The following GGA1 variants were observed in gnomAD, a reference collection of about 807,000 sequenced individuals.
GGA1 encodes ADP-ribosylation factor-binding protein GGA1.
In GGA1, 18 loss-of-function variants were observed where a neutral mutation model predicts 76.9. The observed-to-expected ratio is 0.23, with a 90% CI of 0.16 to 0.35. The LOEUF (loss-of-function observed/expected upper bound fraction) is 0.35, where lower values mean the gene tolerates loss of function less well. Among genes scored for constraint, GGA1 ranks in the 10% least tolerant of loss-of-function variants. The probability of loss-of-function intolerance (pLI) is 1.00; values close to 1 mark genes in which losing one functional copy is unlikely to be tolerated. For missense variants in GGA1, 755 were observed against 859.0 expected (o/e 0.88, Z 1.51); for synonymous variants, 342 against 354.7 (o/e 0.96, Z 0.40).
intron 11 of GGA1, among the ~76,000 whole-genome samples, chr22:37,627,530 G>T (rs1422238014): frequency 3.3e-5 from 5 of 152,176 alleles, no homozygotes; most frequent in Non-Finnish European, 5.9e-5. Context: ...CAAGGGACAG[G>T]AACGTTCATA....
chr22:37,614,115 C>A, intron 1 of GGA1, 75 bp from the exon 2 acceptor site: 2 of 1,008,988 alleles, frequency 2.0e-6, no homozygotes, highest in South Asian at 1.3e-5. Context: ...CCTGACCACA[C>A]CTTTGCCAGG....
intron 2 of GGA1, 27 bp downstream of exon 2, chr22:37,614,301 A>C: frequency 1.4e-6 from 2 of 1,467,030 alleles, no homozygotes; most frequent in Non-Finnish European, 1.9e-6. Context: ...ACTTGTTTGC[A>C]CTGCCCTGCA....
chr22:37,612,159 AAAAAAT>A (rs1045515686), intron 1 of GGA1, among the ~76,000 whole-genome samples: 2 of 151,382 alleles, frequency 1.3e-5, no homozygotes, highest in African/African-American at 4.9e-5. Flanking sequence ...CTTTCTCAAA[AAAAAAT>A]AAAAATAAAA....
In GGA1 at chr22:37,623,989, C is replaced by A; in HGVS notation, c.832+356C>A. On this transcript the variant is annotated intron_variant, in intron 9 of 16. Transcript: ENST00000343632. This position sits in a 1 kb window ranked among gnomAD's most constrained non-coding sequence, Gnocchi z 4.6. ...GGGGAGACGGAGGGCCATCTGCCCC[C>A]AGACCTTCCTCCCTAATGAGGGTGA... is the stretch of plus-strand genomic sequence containing the variant. 1 of 259,198 alleles carries A rather than the reference C, an allele frequency of 3.9e-6. No individual in the cohort carries two copies. Among genetic ancestry groups the A allele is most frequent in the Non-Finnish European group, 7.6e-6 (1 of 130,988 alleles). The allele number at this position is 259,198 out of a possible 1,614,324, so 16.1% of individuals were successfully genotyped here.
chr22:37,632,001 A>T lies in GGA1; in HGVS notation c.1534A>T (p.Ile512Phe). The part of the protein sequence containing the change: ...VPLESIKPSN[I>F]LPVTVYDQHG... ...CCTCCCACCTTCTCCCACAGGCAAC[A>T]TCCTGCCCGTGACTGTGTATGACCA... is the stretch of plus-strand genomic sequence containing the variant. The change falls in exon 15 of 17, where the codon ATC (isoleucine) becomes TTC (phenylalanine). Residue 512 changes from isoleucine (I) to phenylalanine (F), a missense_variant. Transcript: ENST00000343632. The surrounding 1 kb of genome is among the most constrained non-coding windows in gnomAD (Gnocchi z 5.1). The T allele has an allele frequency of 6.2e-7, 1 of 1,607,670 alleles. No homozygotes were observed. The highest frequency in any genetic ancestry group is 8.5e-7 in the Non-Finnish European group (1 of 1,176,340).
Position 37,632,117 on chromosome 22 carries a change from C to T in GGA1, c.1650C>T (p.Thr550=), listed in dbSNP as rs779866431. Residue 550 remains threonine (T), a synonymous_variant, in exon 15 of 17, where the codon ACC becomes ACT. Transcript: ENST00000343632. The surrounding 1 kb of genome is among the most constrained non-coding windows in gnomAD (Gnocchi z 5.1). The part of the protein sequence containing the change: ...VLVVVVSMLS[T]APQPIRNIVF... ...TGGTGGTGGTTTCCATGCTGAGCAC[C>T]GCCCCCCAGCCCATCCGCAACATCG... The T allele has an allele frequency of 2.6e-5, 42 of 1,613,612 alleles. No homozygotes were observed. Among genetic ancestry groups the T allele is most frequent in the Middle Eastern group, 1.6e-4 (1 of 6,082 alleles).
chr22:37,631,914 G>C, intron 14 of GGA1, 82 bp from the exon 15 acceptor site: 1 of 1,303,146 alleles, frequency 7.7e-7, no homozygotes, highest in Non-Finnish European at 1.1e-6. Context: ...GCCAGCTCCT[G>C]AGGCCAGCCG....
chr22:37,617,211 G>C (rs959865428), intron 3 of GGA1: 9 of 1,413,700 alleles, frequency 6.4e-6, no homozygotes, highest in Non-Finnish European at 8.2e-6. Flanking sequence ...GCCTGTTGCT[G>C]AGGGAAGGCC....
chr22:37,617,276 C>T, intron 3 of GGA1: 4 of 1,330,488 alleles, frequency 3.0e-6, no homozygotes, highest in South Asian at 1.8e-5. Flanking sequence ...TCGGCTGCCT[C>T]TCCAGGAAGC....
At chr22:37,629,408 T>C in intron 11 of GGA1, 54 bp from the exon 12 acceptor site, 2 of 1,294,926 alleles carry the variant, frequency 1.5e-6, no homozygotes, top group Non-Finnish European at 2.2e-6. Flanking sequence ...CTCGGCTCTC[T>C]GGCCTCTGCA....
At position 37,623,350 on chromosome 22, in the gene GGA1, C is replaced by T; in HGVS notation, c.633C>T (p.Ile211=). Residue 211 remains isoleucine, a synonymous_variant, in exon 8 of 17, where the codon ATC becomes ATT. Coordinates refer to ENST00000343632, the MANE Select transcript of GGA1 (RefSeq NM_013365.5). This position sits in a 1 kb window ranked among gnomAD's most constrained non-coding sequence, Gnocchi z 4.6. ...AGGACCAGAAGCGGATGGAGAAGAT[C>T]TCGAAGAGGGTGAATGCCATCGAGG... The part of the protein sequence containing the change: ...VQEDQKRMEK[I]SKRVNAIEEV... 5 of 1,614,044 alleles carry T rather than the reference C, an allele frequency of 3.1e-6. No homozygotes were observed. Among genetic ancestry groups the T allele is most frequent in the Non-Finnish European group, 4.2e-6 (5 of 1,179,950 alleles).
Position 37,632,360 on chromosome 22 carries a change from C to G in GGA1, c.1699-45C>G, listed in dbSNP as rs1410395771. On this transcript the variant is annotated intron_variant, in intron 15 of 16. Coordinates refer to ENST00000343632, the MANE Select transcript of GGA1 (RefSeq NM_013365.5). The surrounding 1 kb of genome is among the most constrained non-coding windows in gnomAD (Gnocchi z 5.1). The stretch of plus-strand genomic sequence containing the variant: ...CTGGGCCTGGTTCCTCAGAGCAGGA[C>G]AAGCAGCCAGGGCTAGCTGTGCCCA... 3.4e-6 allele frequency: 5 copies of G among 1,451,418 alleles called. No individual in the cohort carries two copies. The highest frequency in any genetic ancestry group is 4.8e-6 in the Non-Finnish European group (5 of 1,032,326). The allele number at this position is 1,451,418 out of a possible 1,614,324, so 89.9% of individuals were successfully genotyped here.
chr22:37,630,874 A>G (rs1555885995), intron 13 of GGA1, 29 bp from the exon 14 acceptor site: 1 of 1,544,880 alleles, frequency 6.5e-7, no homozygotes, highest in South Asian at 1.1e-5. Context: ...GCCAAGAATC[A>G]CTTCTTAATG....
rs200792493 is a variant in GGA1, at chr22:37,618,435, C to G, written c.205-13C>G. ...CACCTGGGCGTCCCCTCCCATCCCC[C>G]CTCCCTGCACAGGTGCTGGAAACAT... On this transcript the variant is annotated splice_polypyrimidine_tract_variant and intron_variant, in intron 3 of 16. Transcript: ENST00000343632. 1.7e-4 allele frequency: 271 copies of G among 1,556,160 alleles called. 2 individuals are homozygous for G. In the African/African-American group the frequency reaches 3.2e-3, roughly 18 times the overall value.
chr22:37,613,087 G>A (rs1928040666), intron 1 of GGA1: 1 of 985,232 alleles, frequency 1.0e-6, no homozygotes, highest in Admixed American at 6.2e-5. Flanking sequence ...GGACACAAAA[G>A]AGAACTGACC....
chr22:37,611,192 T>C (rs1175919100), intron 1 of GGA1, among the ~76,000 whole-genome samples: 1 of 152,060 alleles, frequency 6.6e-6, no homozygotes, highest in Admixed American at 6.5e-5. Flanking sequence ...ATTCCTGGTA[T>C]CCCCAGGAGG....
Position 37,623,501 on chromosome 22 carries a change from C to T in GGA1, c.750+34C>T, listed in dbSNP as rs755759209. On this transcript the variant is annotated intron_variant, in intron 8 of 16. Coordinates refer to ENST00000343632, the MANE Select transcript of GGA1 (RefSeq NM_013365.5). The surrounding 1 kb of genome is among the most constrained non-coding windows in gnomAD (Gnocchi z 4.6). ...GCCTCCCTGCCTACCCCACTCCCTG[C>T]CCACTCCACAGCCCACGCGGACCCT... 7 of 1,612,916 alleles carry T rather than the reference C, an allele frequency of 4.3e-6. No individual in the cohort carries two copies. Among genetic ancestry groups the T allele is most frequent in the African/African-American group, 4.0e-5 (3 of 75,034 alleles).
chr22:37,632,409 T>C lies in GGA1; in HGVS notation c.1703T>C (p.Met568Thr), dbSNP rs775718087. ...IVFQSAVPKV[M>T]KVKLQPPSGT... ...CATCCTGCCATCTGCCCACAGGTTA[T>C]GAAGGTGAAGCTGCAGCCACCCTCG... The change falls in exon 16 of 17, where the codon ATG (methionine) becomes ACG (threonine). Residue 568 changes from methionine to threonine, a missense_variant. Met to Thr is a moderately conservative substitution (Grantham distance 81). Coordinates refer to ENST00000343632, the MANE Select transcript of GGA1 (RefSeq NM_013365.5). The surrounding 1 kb of genome is among the most constrained non-coding windows in gnomAD (Gnocchi z 5.1). The C allele has an allele frequency of 1.2e-6, 2 of 1,608,100 alleles. No individual in the cohort carries two copies. The highest frequency in any genetic ancestry group is 3.3e-5 in the Admixed American group (2 of 60,020).
chr22:37,626,017 C>G (rs892364730), intron 11 of GGA1, 68 bp downstream of exon 11: 60 of 1,325,930 alleles, frequency 4.5e-5, no homozygotes, highest in Middle Eastern at 2.3e-4. Context: ...CCAGGGCCCA[C>G]TCACAGCTAG....
Sources: allele counts gnomAD v4.1 joint callset (sites outside exome capture counted in the v4.1 genomes callset), GRCh38; gene constraint gnomAD v4.1.1; non-coding constraint Gnocchi (gnomAD v3.1); transcripts MANE v1.5; gene names NCBI Gene and HGNC (gene_info 2026-07-23, HGNC 2026-07-21).